The following FARP1 variants were observed in gnomAD, a reference collection of about 807,000 sequenced individuals.
The protein encoded by FARP1 is FERM, ARHGEF and pleckstrin domain-containing protein 1.
FARP1 carries 52 observed loss-of-function variants against 128.8 expected under a neutral mutation model. That is an observed-to-expected ratio of 0.40 (90% CI 0.32 to 0.51). The LOEUF (loss-of-function observed/expected upper bound fraction) is 0.51, where lower values mean the gene tolerates loss of function less well. Among genes scored for constraint, FARP1 ranks in the 20% least tolerant of loss-of-function variants. The probability of loss-of-function intolerance (pLI) is 0.45; values close to 1 mark genes in which losing one functional copy is unlikely to be tolerated. For synonymous variants in FARP1, 580 were observed against 551.8 expected (o/e 1.05, Z -0.72); for missense variants, 1,333 against 1,367.9 (o/e 0.97, Z 0.40).
chr13:98,294,452 C>A (rs538021437), intron 2 of FARP1, among the ~76,000 whole-genome samples: 5 of 152,226 alleles, frequency 3.3e-5, no homozygotes, highest in South Asian at 2.1e-4. Flanking sequence ...TCATGTCATG[C>A]AGTGAACTAA....
At chr13:98,312,598 G>A (rs1886527671) in intron 2 of FARP1, among the ~76,000 whole-genome samples, 1 of 152,108 alleles carries the variant, frequency 6.6e-6, no homozygotes, top group Non-Finnish European at 1.5e-5. Context: ...CCCCCCACCG[G>A]AAAAGAGGTC....
At chr13:98,168,046 C>T (rs1044270367) in intron 1 of FARP1, among the ~76,000 whole-genome samples, 8 of 151,986 alleles carry the variant, frequency 5.3e-5, no homozygotes, top group Non-Finnish European at 8.8e-5. Context: ...GTGGCGGGTG[C>T]CTGTAGTCCC....
intron 2 of FARP1, among the ~76,000 whole-genome samples, chr13:98,260,648 T>C (rs1465759635): frequency 6.6e-6 from 1 of 152,158 alleles, no homozygotes; most frequent in African/African-American, 2.4e-5. Context: ...TGCTTTTTGG[T>C]CCCCTGTTTT....
chr13:98,216,120 T>G (rs538810767), intron 2 of FARP1, among the ~76,000 whole-genome samples: 1 of 152,326 alleles, frequency 6.6e-6, no homozygotes, highest in East Asian at 1.9e-4. Context: ...GGTCAGAATC[T>G]TTCTCTTAAC....
At chr13:98,162,432 C>T (rs1186240420) in intron 1 of FARP1, among the ~76,000 whole-genome samples, 4 of 152,060 alleles carry the variant, frequency 2.6e-5, no homozygotes, top group East Asian at 3.9e-4. Context: ...GCGTTTGTGC[C>T]GCTATTCCTA....
At chr13:98,296,447 C>T (rs1487177841) in intron 2 of FARP1, among the ~76,000 whole-genome samples, 1 of 152,070 alleles carries the variant, frequency 6.6e-6, no homozygotes, top group Non-Finnish European at 1.5e-5. Context: ...CTTGTAGAAA[C>T]CCCCGTTCTC....
At chr13:98,343,710 T>G (rs1424405850) in intron 2 of FARP1, 52 bp from the exon 3 acceptor site, 1 of 1,275,230 alleles carries the variant, frequency 7.8e-7, no homozygotes, top group African/African-American at 1.5e-5. Context: ...AGCTGTGGTT[T>G]GTTTTCATCC....
Position 98,440,650 on chromosome 13 carries a change from C to T in FARP1, c.2630-20C>T. The stretch of plus-strand genomic sequence containing the variant: ...CTGGGAGGAAAGATCAGAAGTGCTG[C>T]CTTTTGCCCCATCCTGTAGAGTCCC... On this transcript the variant is annotated intron_variant, in intron 23 of 26. Coordinates refer to ENST00000319562, the MANE Select transcript of FARP1 (RefSeq NM_005766.4). The T allele has an allele frequency of 6.3e-7, 1 of 1,595,510 alleles. No homozygotes were observed. Among genetic ancestry groups the T allele is most frequent in the Non-Finnish European group, 8.5e-7 (1 of 1,170,516 alleles).
chr13:98,369,025 A>G (rs1594453310), intron 5 of FARP1, among the ~76,000 whole-genome samples: 1 of 151,514 alleles, frequency 6.6e-6, no homozygotes, highest in Non-Finnish European at 1.5e-5. Flanking sequence ...TCCCGGATTC[A>G]AGCGATTCTC....
intron 9 of FARP1, among the ~76,000 whole-genome samples, chr13:98,389,255 C>T (rs1475803266): frequency 2.6e-5 from 4 of 152,168 alleles, no homozygotes; most frequent in Non-Finnish European, 5.9e-5. Flanking sequence ...TAAAGAACTG[C>T]AGCACAGCTT....
intron 2 of FARP1, among the ~76,000 whole-genome samples, chr13:98,277,149 C>CACACACACA (rs1566824323): frequency 2.6e-4 from 30 of 113,280 alleles, no homozygotes; most frequent in Non-Finnish European, 4.0e-4. Flanking sequence ...CACACACACA[C>CACACACACA]CCCATATGTA....
rs985118060 is a variant in FARP1 at position 98,450,354 on chromosome 13, T to TGAC, written c.*2038_*2040dup. ...GGAAATATAAAAAATGTTTATAAAC[T>TGAC]GACAGTGTTTTGCCAGAGGAAAGGT... On this transcript the variant is annotated 3_prime_UTR_variant, in exon 27 of 27. Transcript: ENST00000319562. 7 of 152,192 alleles carry TGAC rather than the reference T, an allele frequency of 4.6e-5. No homozygotes were observed. The highest frequency in any genetic ancestry group is 1.7e-4 in the African/African-American group (7 of 41,434). 9.4% of individuals were successfully genotyped at this position (152,192 alleles called of 1,614,324 possible).
At chr13:98,365,302 T>G in intron 3 of FARP1, 93 bp from the exon 4 acceptor site, 1 of 978,418 alleles carries the variant, frequency 1.0e-6, no homozygotes, top group Non-Finnish European at 1.6e-6. Flanking sequence ...CTCAAAAATA[T>G]TTTGATTTTA....
chr13:98,200,397 C>CA (rs1555327098), intron 1 of FARP1, among the ~76,000 whole-genome samples: 2 of 143,392 alleles, frequency 1.4e-5, no homozygotes, highest in Admixed American at 7.0e-5. Context: ...ACCCCCCCCC[C>CA]CTCCCCTTTG....
At chr13:98,220,285 AGGTGGAGGT>A (rs1881340028) in intron 2 of FARP1, among the ~76,000 whole-genome samples, 2 of 152,068 alleles carry the variant, frequency 1.3e-5, no homozygotes, top group African/African-American at 2.4e-5. Context: ...CACACATAAG[AGGTGGAGGT>A]GGTGGAGGAG....
chr13:98,313,493 C>A (rs1886582937), intron 2 of FARP1, among the ~76,000 whole-genome samples: 1 of 152,242 alleles, frequency 6.6e-6, no homozygotes. Flanking sequence ...TCAGGAGGAA[C>A]CGGCCCTGCT....
intron 1 of FARP1, among the ~76,000 whole-genome samples, chr13:98,151,658 A>ATTTTTTTTTTTTT (rs1197060435): frequency 7.9e-4 from 19 of 24,152 alleles, no homozygotes; most frequent in South Asian, 5.2e-3. Context: ...TATATCTTCC[A>ATTTTTTTTTTTTT]TCTTTTTTTT....
intron 16 of FARP1, among the ~76,000 whole-genome samples, 159 bp downstream of exon 16, chr13:98,412,193 A>T (rs1205893191): frequency 1.3e-5 from 2 of 152,230 alleles, no homozygotes; most frequent in East Asian, 3.8e-4. Flanking sequence ...TAAATCCTAC[A>T]TGCGTTCAGA....
intron 2 of FARP1, among the ~76,000 whole-genome samples, chr13:98,279,860 T>A (rs1349617351): frequency 1.3e-5 from 2 of 152,174 alleles, no homozygotes; most frequent in African/African-American, 4.8e-5. Context: ...TAGCTCAGAT[T>A]GAAGACTTGT....
Sources: allele counts gnomAD v4.1 joint callset (sites outside exome capture counted in the v4.1 genomes callset), GRCh38; gene constraint gnomAD v4.1.1; transcripts MANE v1.5; gene names NCBI Gene and HGNC (gene_info 2026-07-23, HGNC 2026-07-21).